Variants in RAP1A observed in about 807,000 individuals in gnomAD.
RAP1A encodes ras-related protein Rap-1A.
Under a neutral mutation model 26.4 loss-of-function variants are expected in RAP1A, and 6 were observed. The ratio of observed to expected loss-of-function variants is 0.23; its 90% CI spans 0.12 to 0.45. The LOEUF (loss-of-function observed/expected upper bound fraction) is 0.45, where lower values mean the gene tolerates loss of function less well. Ranked by LOEUF, RAP1A falls within the 20% of genes least tolerant of loss-of-function variation. The pLI is 0.99. For missense variants in RAP1A, 121 were observed against 217.2 expected (o/e 0.56, Z 2.78); for synonymous variants, 73 against 79.4 (o/e 0.92, Z 0.43).
chr1:111,624,252 C>T (rs998268495), intron 1 of RAP1A, among the ~76,000 whole-genome samples: 2 of 152,124 alleles, frequency 1.3e-5, no homozygotes, highest in African/African-American at 2.4e-5. Context: ...AAAAGATTAG[C>T]ATTAAACAAA....
intron 1 of RAP1A, among the ~76,000 whole-genome samples, chr1:111,676,856 C>A (rs181016805): frequency 4.6e-5 from 7 of 151,690 alleles, no homozygotes; most frequent in Non-Finnish European, 8.8e-5. Flanking sequence ...TGCAGTGGTA[C>A]AATCTCAACT....
intron 1 of RAP1A, among the ~76,000 whole-genome samples, chr1:111,613,048 G>T (rs543154636): frequency 1.3e-5 from 2 of 152,086 alleles, no homozygotes; most frequent in Non-Finnish European, 2.9e-5. Context: ...TGCATTTAAA[G>T]CTATGTAGCC....
At chr1:111,703,511 A>G (rs774278724) in intron 5 of RAP1A, 35 bp downstream of exon 5, 2 of 1,506,450 alleles carry the variant, frequency 1.3e-6, no homozygotes, top group Non-Finnish European at 1.8e-6. Context: ...ATGTTATGCC[A>G]TCTCTCTGTG....
At chr1:111,621,584 T>C (rs1055179678) in intron 1 of RAP1A, among the ~76,000 whole-genome samples, 1 of 152,246 alleles carries the variant, frequency 6.6e-6, no homozygotes, top group Admixed American at 6.5e-5. Flanking sequence ...AGTCTAGTTA[T>C]TAAATCTTCT....
chr1:111,710,688 GT>G (rs1439218566), intron 7 of RAP1A, among the ~76,000 whole-genome samples: 13 of 152,156 alleles, frequency 8.5e-5, no homozygotes, highest in African/African-American at 2.9e-4. Context: ...AGTAATTGTA[GT>G]TCCTTTTTTA....
intron 1 of RAP1A, among the ~76,000 whole-genome samples, chr1:111,637,958 T>C (rs1423999710): frequency 6.6e-6 from 1 of 152,054 alleles, no homozygotes; most frequent in Non-Finnish European, 1.5e-5. Context: ...TATTTTTTGG[T>C]GTATATGACT....
At chr1:111,651,624 G>A (rs187582030) in intron 1 of RAP1A, among the ~76,000 whole-genome samples, 1 of 152,126 alleles carries the variant, frequency 6.6e-6, no homozygotes, top group East Asian at 1.9e-4. Context: ...TTACAGGCAT[G>A]TGCCACCATG....
intron 1 of RAP1A, among the ~76,000 whole-genome samples, chr1:111,549,309 C>CA (rs1368264534): frequency 8.0e-6 from 1 of 125,612 alleles, no homozygotes; most frequent in African/African-American, 2.9e-5. Context: ...CAGTCATGGG[C>CA]TTTTTTTTTT....
chr1:111,657,489 T>G (rs1660499131), intron 1 of RAP1A, among the ~76,000 whole-genome samples: 1 of 152,206 alleles, frequency 6.6e-6, no homozygotes. Context: ...ATTTTTTTCT[T>G]TTGTTGCCTG....
chr1:111,704,262 C>T lies in RAP1A; in HGVS notation c.325-81C>T, dbSNP rs1571575346. On this transcript the variant is annotated intron_variant, in intron 5 of 7. Coordinates refer to ENST00000369709, the MANE Select transcript of RAP1A (RefSeq NM_002884.4). ...CCAACTAATGCATTTCAGTTGGTGGCAGATAATTGCTTATTTATTTTTTTA... is the reference window on the plus strand; with the variant it reads ...CCAACTAATGCATTTCAGTTGGTGGTAGATAATTGCTTATTTATTTTTTTA... The T allele has an allele frequency of 4.9e-6, 7 of 1,421,040 alleles. No homozygotes were observed. In the East Asian group the frequency reaches 1.7e-4, roughly 34 times the overall value. The allele number at this position is 1,421,040 out of a possible 1,614,324, so 88.0% of individuals were successfully genotyped here.
chr1:111,655,461 A>G (rs1660424451), intron 1 of RAP1A, among the ~76,000 whole-genome samples: 1 of 152,018 alleles, frequency 6.6e-6, no homozygotes, highest in Non-Finnish European at 1.5e-5. Flanking sequence ...CATGACTGAT[A>G]AATATTTGAA....
intron 1 of RAP1A, among the ~76,000 whole-genome samples, chr1:111,557,097 A>G (rs958909976): frequency 6.6e-6 from 1 of 152,092 alleles, no homozygotes; most frequent in Non-Finnish European, 1.5e-5. Flanking sequence ...ACAAAGAGAA[A>G]TGTTAAGACT....
intron 1 of RAP1A, among the ~76,000 whole-genome samples, chr1:111,671,475 C>T (rs934112922): frequency 6.6e-6 from 1 of 151,970 alleles, no homozygotes; most frequent in African/African-American, 2.4e-5. Flanking sequence ...TCTTTTCTTT[C>T]TTTCTTTTTT....
intron 1 of RAP1A, among the ~76,000 whole-genome samples, chr1:111,641,334 A>G (rs1557874920): frequency 6.6e-6 from 1 of 151,588 alleles, no homozygotes; most frequent in Non-Finnish European, 1.5e-5. Flanking sequence ...TGTTCTTACC[A>G]CTCTTCTCCT....
intron 1 of RAP1A, among the ~76,000 whole-genome samples, chr1:111,572,192 C>T (rs1211943233): frequency 1.3e-5 from 2 of 152,228 alleles, no homozygotes; most frequent in East Asian, 3.8e-4. Context: ...TAGGATTTGG[C>T]TGCCTTTCAG....
chr1:111,606,242 G>T (rs1418169919), intron 1 of RAP1A, among the ~76,000 whole-genome samples: 1 of 152,064 alleles, frequency 6.6e-6, no homozygotes, highest in African/African-American at 2.4e-5. Flanking sequence ...TTTAGGTGTG[G>T]TGTTGCCTAA....
intron 6 of RAP1A, 81 bp from the exon 7 acceptor site, chr1:111,709,068 A>G: frequency 3.3e-6 from 5 of 1,498,858 alleles, no homozygotes; most frequent in Non-Finnish European, 4.4e-6. Flanking sequence ...TAAGACCAGA[A>G]TAGTACTTAC....
chr1:111,599,453 C>T (rs1658626443), intron 1 of RAP1A, among the ~76,000 whole-genome samples: 3 of 152,306 alleles, frequency 2.0e-5, no homozygotes, highest in South Asian at 4.1e-4. Flanking sequence ...GATCCACCTG[C>T]CTCAGCCTCC....
chr1:111,625,812 T>G (rs970993962), intron 1 of RAP1A, among the ~76,000 whole-genome samples: 3 of 152,184 alleles, frequency 2.0e-5, no homozygotes, highest in African/African-American at 7.2e-5. Flanking sequence ...TATTTCCCTT[T>G]TCTTCCTTTT....
Sources: gnomAD v4.1 joint callset for allele counts (sites outside exome capture counted in the v4.1 genomes callset) on GRCh38, gnomAD v4.1.1 for gene constraint, MANE v1.5 for transcripts, NCBI Gene and HGNC (gene_info 2026-07-23, HGNC 2026-07-21) for gene names.